The following CNTNAP5 variants were observed in gnomAD, a reference collection of about 807,000 sequenced individuals.
CNTNAP5 encodes contactin-associated protein-like 5.
CNTNAP5 carries 72 observed loss-of-function variants against 150.2 expected under a neutral mutation model. The observed-to-expected ratio is 0.48, with a 90% CI of 0.40 to 0.58. The LOEUF is 0.58. CNTNAP5 is among the 20% of genes least tolerant of loss of function. CNTNAP5 has a pLI of 0.00. For synonymous variants in CNTNAP5, 672 were observed against 619.8 expected (o/e 1.08, Z -1.25); for missense variants, 1,636 against 1,626.2 (o/e 1.01, Z -0.10).
intron 8 of CNTNAP5, among the ~76,000 whole-genome samples, chr2:124,517,829 G>A (rs1694762649): frequency 6.6e-6 from 1 of 150,980 alleles, no homozygotes; most frequent in Non-Finnish European, 1.5e-5. Context: ...ATGGAGTATT[G>A]TGGTTTTGAT....
intron 1 of CNTNAP5, among the ~76,000 whole-genome samples, chr2:124,181,743 A>T (rs1685214125): frequency 6.6e-6 from 1 of 152,236 alleles, no homozygotes; most frequent in Non-Finnish European, 1.5e-5. Flanking sequence ...TCCTGCCTGC[A>T]TCACTGGCTA....
chr2:124,609,105 C>T (rs1437920805), intron 11 of CNTNAP5, among the ~76,000 whole-genome samples: 1 of 152,124 alleles, frequency 6.6e-6, no homozygotes, highest in Non-Finnish European at 1.5e-5. Context: ...GTGACCACTA[C>T]TCTTACAGGT....
At chr2:124,067,817 A>G (rs1682198888) in intron 1 of CNTNAP5, among the ~76,000 whole-genome samples, 1 of 152,250 alleles carries the variant, frequency 6.6e-6, no homozygotes, top group East Asian at 1.9e-4. Flanking sequence ...TAGAACTTGT[A>G]TTTTCCATAG....
intron 3 of CNTNAP5, among the ~76,000 whole-genome samples, chr2:124,346,800 G>A (rs1689746357): frequency 6.6e-6 from 1 of 151,868 alleles, no homozygotes; most frequent in Admixed American, 6.6e-5. Context: ...ACCAGGCATG[G>A]TGGCTCACAC....
At chr2:124,618,704 TG>T (rs1677541190) in intron 12 of CNTNAP5, among the ~76,000 whole-genome samples, 2 of 152,104 alleles carry the variant, frequency 1.3e-5, no homozygotes, top group South Asian at 4.1e-4. Context: ...GTGCAGAAAG[TG>T]GAACTGGTGG....
intron 11 of CNTNAP5, among the ~76,000 whole-genome samples, chr2:124,599,234 T>C (rs559559584): frequency 6.6e-6 from 1 of 152,374 alleles, no homozygotes; most frequent in Non-Finnish European, 1.5e-5. Flanking sequence ...GAGGAGTGGA[T>C]TTAATTTCAT....
intron 1 of CNTNAP5, among the ~76,000 whole-genome samples, chr2:124,069,168 C>T (rs948175072): frequency 1.3e-5 from 2 of 151,912 alleles, no homozygotes; most frequent in Admixed American, 6.6e-5. Flanking sequence ...AGTGAAGAGC[C>T]CTTGAACCCT....
intron 1 of CNTNAP5, among the ~76,000 whole-genome samples, chr2:124,196,726 A>G (rs944708207): frequency 6.6e-6 from 1 of 152,238 alleles, no homozygotes; most frequent in Non-Finnish European, 1.5e-5. Flanking sequence ...TTTGTTAATT[A>G]GCAAATTAGT....
At position 124,199,376 on chromosome 2, in the gene CNTNAP5, ATTT is replaced by A. The variant is rs201997252; in HGVS notation, c.83-22325_83-22323del. ...AAAGGTCTTTCCAGAGTATTTTATA[ATTT>A]TTTCATGTATTTTGTTACATTTATT... On this transcript the variant is annotated intron_variant, in intron 1 of 23. Coordinates refer to ENST00000682447, the MANE Select transcript of CNTNAP5 (RefSeq NM_001367498.1). Among the ~76,000 whole-genome samples, 4 of 135,362 alleles carry A rather than the reference ATTT, an allele frequency of 3.0e-5. No homozygotes were observed. The East Asian group carries it at 6.6e-4, about 22-fold the overall frequency. 88.8% of individuals were successfully genotyped at this position (135,362 alleles called of 152,430 possible).
At chr2:124,411,173 A>G (rs1691750748) in intron 3 of CNTNAP5, among the ~76,000 whole-genome samples, 1 of 152,230 alleles carries the variant, frequency 6.6e-6, no homozygotes, top group Admixed American at 6.5e-5. Flanking sequence ...TCCCAAGTCT[A>G]AACCAGGAAG....
At chr2:124,904,764 G>A (rs899393138) in intron 22 of CNTNAP5, among the ~76,000 whole-genome samples, 1 of 151,924 alleles carries the variant, frequency 6.6e-6, no homozygotes, top group African/African-American at 2.4e-5. Context: ...ACCTGAGACT[G>A]TAAACTCCAG....
intron 1 of CNTNAP5, among the ~76,000 whole-genome samples, chr2:124,185,213 G>T (rs975119859): frequency 6.6e-6 from 1 of 152,138 alleles, no homozygotes; most frequent in Non-Finnish European, 1.5e-5. Context: ...TCAGCCCACA[G>T]TTTCTTCTCC....
chr2:124,067,429 T>A (rs1682188747), intron 1 of CNTNAP5, among the ~76,000 whole-genome samples: 1 of 152,156 alleles, frequency 6.6e-6, no homozygotes, highest in South Asian at 2.1e-4. Context: ...TCCCTGCCTC[T>A]ATGGCTACAT....
At chr2:124,474,439 G>A (rs949721365) in intron 6 of CNTNAP5, among the ~76,000 whole-genome samples, 1 of 151,940 alleles carries the variant, frequency 6.6e-6, no homozygotes, top group Non-Finnish European at 1.5e-5. Flanking sequence ...TAAAGACATT[G>A]ATTTTCTTTT....
At chr2:124,216,886 A>T (rs561362505) in intron 1 of CNTNAP5, among the ~76,000 whole-genome samples, 1 of 152,144 alleles carries the variant, frequency 6.6e-6, no homozygotes, top group Non-Finnish European at 1.5e-5. Context: ...ATGATTTATA[A>T]TCCTTTGGGT....
chr2:124,600,078 C>T (rs923329770), intron 11 of CNTNAP5, among the ~76,000 whole-genome samples: 10 of 151,844 alleles, frequency 6.6e-5, no homozygotes, highest in Non-Finnish European at 1.0e-4. Context: ...CAATGTAGGC[C>T]GAATAATTTA....
At chr2:124,617,148 C>T (rs1202916493) in intron 12 of CNTNAP5, among the ~76,000 whole-genome samples, 2 of 150,588 alleles carry the variant, frequency 1.3e-5, no homozygotes, top group African/African-American at 4.9e-5. Context: ...GAAGTGAGCA[C>T]ACAATATTGG....
Position 124,674,409 on chromosome 2 carries a change from T to TTCCC in CNTNAP5, c.2077+26463_2077+26466dup, listed in dbSNP as rs1026065014. ...CTTTGTTCTTTCTTTCCTTCCTTCC[T>TTCCC]TCCCTCCCTCCCTCCTCCTCTCCTC... On this transcript the variant is annotated intron_variant, in intron 13 of 23. Transcript: ENST00000682447. Among the ~76,000 whole-genome samples the TTCCC allele has an allele frequency of 5.4e-5, 7 of 129,082 alleles. No individual in the cohort carries two copies. The Admixed American group carries it at 5.9e-4, about 11-fold the overall frequency. 84.7% of individuals were successfully genotyped at this position (129,082 alleles called of 152,430 possible).
chr2:124,262,960 C>G (rs979936065), intron 3 of CNTNAP5, among the ~76,000 whole-genome samples: 3 of 152,016 alleles, frequency 2.0e-5, no homozygotes, highest in African/African-American at 7.3e-5. Context: ...TCATCCATGT[C>G]CCTACAAAGG....
Sources: gnomAD v4.1 joint callset for allele counts (sites outside exome capture counted in the v4.1 genomes callset) on GRCh38, gnomAD v4.1.1 for gene constraint, MANE v1.5 for transcripts, NCBI Gene and HGNC (gene_info 2026-07-23, HGNC 2026-07-21) for gene names.